Variants in ANKS1B observed in about 807,000 individuals in gnomAD.
ANKS1B encodes the protein ankyrin repeat and sterile alpha motif domain containing 1B.
Under a neutral mutation model 148.3 loss-of-function variants are expected in ANKS1B, and 36 were observed. The ratio of observed to expected loss-of-function variants is 0.24; its 90% CI spans 0.19 to 0.32. ANKS1B has a LOEUF of 0.32. Among genes scored for constraint, ANKS1B ranks in the 10% least tolerant of loss-of-function variants. The pLI is 1.00. For missense variants in ANKS1B, 1,157 were observed against 1,542.6 expected (o/e 0.75, Z 4.19); for synonymous variants, 542 against 560.8 (o/e 0.97, Z 0.47).
rs538439452 is a variant in ANKS1B, at chr12:98,816,059, G to C, written c.3067-8141C>G. Among the ~76,000 whole-genome samples, 7 of 152,212 alleles carry C rather than the reference G, an allele frequency of 4.6e-5. No individual in the cohort carries two copies. The East Asian group carries it at 1.4e-3, about 29-fold the overall frequency. On this transcript the variant is annotated intron_variant, in intron 19 of 26. Transcript: ENST00000683438. ...CTCTCCTACCCATCTTCGTCTTGCT[G>C]TCTGGGTTCTTGACAGCAAAGCACA...
chr12:99,207,003 A>G (rs1409998138), intron 14 of ANKS1B, among the ~76,000 whole-genome samples: 2 of 152,128 alleles, frequency 1.3e-5, no homozygotes, highest in Non-Finnish European at 2.9e-5. Flanking sequence ...GGACTCTTAG[A>G]AGAATGATGG....
intron 1 of ANKS1B, among the ~76,000 whole-genome samples, chr12:99,899,587 A>C (rs11110101): frequency 0.14 from 20,822 of 152,082 alleles, 2,420 homozygotes; most frequent in African/African-American, 0.32. Flanking sequence ...AATCAATTTT[A>C]GTTTTTATAA....
At chr12:99,794,008 A>G (rs563161549) in intron 4 of ANKS1B, among the ~76,000 whole-genome samples, 1 of 152,128 alleles carries the variant, frequency 6.6e-6, no homozygotes, top group South Asian at 2.1e-4. Flanking sequence ...AATATTGGCA[A>G]AACATTTGAA....
At chr12:99,943,056 C>T (rs888866605) in intron 1 of ANKS1B, among the ~76,000 whole-genome samples, 7 of 152,058 alleles carry the variant, frequency 4.6e-5, no homozygotes, top group Admixed American at 1.3e-4. Flanking sequence ...GAGGTGAGGT[C>T]GGGAACTGTT....
chr12:99,151,894 A>C (rs1350394561), intron 15 of ANKS1B, among the ~76,000 whole-genome samples: 1 of 152,156 alleles, frequency 6.6e-6, no homozygotes, highest in East Asian at 1.9e-4. Flanking sequence ...TCTTGTTCAA[A>C]AACACTAATA....
At chr12:99,175,007 T>A (rs2078219417) in intron 14 of ANKS1B, among the ~76,000 whole-genome samples, 4 of 152,170 alleles carry the variant, frequency 2.6e-5, no homozygotes, top group African/African-American at 7.2e-5. Flanking sequence ...GAGTCTAAGA[T>A]AAATTTTTAA....
At chr12:99,395,077 T>C (rs2094201549) in intron 12 of ANKS1B, among the ~76,000 whole-genome samples, 1 of 152,166 alleles carries the variant, frequency 6.6e-6, no homozygotes, top group South Asian at 2.1e-4. Context: ...GCCTTAAAAA[T>C]ATGTCCAACA....
intron 1 of ANKS1B, among the ~76,000 whole-genome samples, chr12:99,934,739 T>A (rs2094714764): frequency 6.6e-6 from 1 of 152,100 alleles, no homozygotes; most frequent in East Asian, 1.9e-4. Flanking sequence ...AGGTCTTAAA[T>A]ACTTTGGTAC....
intron 15 of ANKS1B, chr12:99,105,160 C>A (rs1320828704): frequency 1.3e-5 from 2 of 152,150 alleles, no homozygotes; most frequent in Admixed American, 6.5e-5. Context: ...CTATTAAATT[C>A]AGTAGAAATT....
At chr12:99,679,058 AG>A (rs1164725903) in intron 8 of ANKS1B, among the ~76,000 whole-genome samples, 1 of 152,222 alleles carries the variant, frequency 6.6e-6, no homozygotes, top group Non-Finnish European at 1.5e-5. Flanking sequence ...ACTGAAGAAA[AG>A]TAATTTTGTG....
At chr12:99,428,336 G>C (rs940793823) in intron 11 of ANKS1B, among the ~76,000 whole-genome samples, 1 of 152,128 alleles carries the variant, frequency 6.6e-6, no homozygotes, top group Non-Finnish European at 1.5e-5. Flanking sequence ...TGAGCAGGAG[G>C]TGTCCATGTG....
intron 9 of ANKS1B, among the ~76,000 whole-genome samples, chr12:99,552,048 T>C (rs2097224285): frequency 1.3e-5 from 2 of 152,134 alleles, no homozygotes; most frequent in South Asian, 4.1e-4. Flanking sequence ...CCAAGAACAC[T>C]GTTCCTTTTA....
At chr12:99,233,460 A>G (rs963503960) in intron 14 of ANKS1B, among the ~76,000 whole-genome samples, 1 of 152,150 alleles carries the variant, frequency 6.6e-6, no homozygotes, top group African/African-American at 2.4e-5. Flanking sequence ...ATGATGATGT[A>G]GAATATATTA....
intron 8 of ANKS1B, among the ~76,000 whole-genome samples, chr12:99,697,505 A>G (rs1224092024): frequency 6.6e-6 from 1 of 152,180 alleles, no homozygotes; most frequent in Admixed American, 6.6e-5. Flanking sequence ...TTACTGTATA[A>G]TTTCAACTAT....
chr12:99,287,152 C>T (rs572235026), intron 12 of ANKS1B, among the ~76,000 whole-genome samples: 1 of 152,276 alleles, frequency 6.6e-6, no homozygotes, highest in East Asian at 1.9e-4. Flanking sequence ...GTGATGGTGA[C>T]CATAGGGGTG....
chr12:99,900,186 A>ACC (rs1330627691), intron 1 of ANKS1B, among the ~76,000 whole-genome samples: 1 of 150,872 alleles, frequency 6.6e-6, no homozygotes, highest in African/African-American at 2.4e-5. Context: ...GGCATGAGCC[A>ACC]CCACTCCTGG....
chr12:98,881,541 C>A (rs1015809691), intron 17 of ANKS1B, among the ~76,000 whole-genome samples: 13 of 152,012 alleles, frequency 8.6e-5, no homozygotes, highest in African/African-American at 3.1e-4. Context: ...GTTATTCTTT[C>A]TGCTGTCATC....
chr12:99,304,697 G>C (rs1034167199), intron 12 of ANKS1B, among the ~76,000 whole-genome samples: 11 of 152,210 alleles, frequency 7.2e-5, no homozygotes, highest in African/African-American at 2.6e-4. Context: ...GAATTGCCTA[G>C]CTTTCTGAGT....
chr12:99,128,438 G>A (rs1449618646), intron 15 of ANKS1B, among the ~76,000 whole-genome samples: 2 of 152,148 alleles, frequency 1.3e-5, no homozygotes, highest in South Asian at 2.1e-4. Context: ...CAGACTATCA[G>A]GCAGTACAGA....
Sources: allele counts gnomAD v4.1 joint callset (sites outside exome capture counted in the v4.1 genomes callset), GRCh38; gene constraint gnomAD v4.1.1; transcripts MANE v1.5; gene names NCBI Gene and HGNC (gene_info 2026-07-23, HGNC 2026-07-21).